LYN: variants seen among roughly 807,000 people sequenced by gnomAD.
LYN encodes the protein LYN proto-oncogene, Src family tyrosine kinase, also known as tyrosine-protein kinase Lyn.
Under a neutral mutation model 65.0 loss-of-function variants are expected in LYN, and 12 were observed. The ratio of observed to expected loss-of-function variants is 0.18; its 90% confidence interval spans 0.12 to 0.30. The LOEUF is 0.30. LYN is among the 10% of genes least tolerant of loss of function. The pLI, the probability that LYN is intolerant of heterozygous loss-of-function variation, is 1.00. For missense variants in LYN, 380 were observed against 623.2 expected, an observed-to-expected ratio of 0.61 and a Z score of 4.16; for synonymous variants, 222 against 221.2, an observed-to-expected ratio of 1.00 and a Z score of -0.03.
At chr8:56,003,795 A>G (rs921053880) in intron 12 of LYN, among the ~76,000 whole-genome samples, 2 of 152,044 alleles carry the variant, frequency 1.3e-5, no homozygotes, top group Non-Finnish European at 2.9e-5. Context: ...TTTAGAGGAG[A>G]TAGAAATACT....
intron 8 of LYN, 95 bp from the exon 9 acceptor site, chr8:55,966,620 G>C (rs1807467033): frequency 1.8e-6 from 2 of 1,086,160 alleles, no homozygotes; most frequent in African/African-American, 1.6e-5. Context: ...CACTCACCTC[G>C]ACCTCCCAAA....
intron 1 of LYN, among the ~76,000 whole-genome samples, chr8:55,934,038 C>G (rs1466435993): frequency 6.6e-6 from 1 of 152,110 alleles, no homozygotes; most frequent in Non-Finnish European, 1.5e-5. Context: ...CCAGCCTGGC[C>G]AATATGGTGA....
intron 10 of LYN, among the ~76,000 whole-genome samples, chr8:55,995,575 C>T (rs1585676430): frequency 6.6e-6 from 1 of 152,156 alleles, no homozygotes; most frequent in East Asian, 1.9e-4. Context: ...AGGTGAGGAG[C>T]AGGGAGCACT....
intron 4 of LYN, among the ~76,000 whole-genome samples, chr8:55,948,076 C>T (rs1399396805): frequency 1.3e-5 from 2 of 152,254 alleles, no homozygotes; most frequent in East Asian, 3.9e-4. Context: ...TAGGCTAAAG[C>T]AATCCTCTCA....
intron 10 of LYN, among the ~76,000 whole-genome samples, chr8:55,978,930 T>C (rs1214819061): frequency 6.6e-6 from 1 of 152,118 alleles, no homozygotes; most frequent in Non-Finnish European, 1.5e-5. Context: ...CTCCTCTTCC[T>C]TTTTCTTTCT....
chr8:55,953,856 G>T lies in LYN; in HGVS notation c.662G>T (p.Arg221Ile). The T allele has an allele frequency of 1.2e-6, 2 of 1,614,094 alleles. No individual in the cohort carries two copies. Among genetic ancestry groups the T allele is most frequent in the East Asian group, 4.5e-5 (2 of 44,876 alleles). ...GAGCAGGCAGATGGCTTGTGCAGAA[G>T]ATTGGAGAAGGCTTGTATTAGTCCC... ...YQKQADGLCR[R>I]LEKACISPKP... The change falls in exon 8 of 13, where the codon AGA becomes ATA. Residue 221 changes from arginine (R) to isoleucine (I), a missense_variant. Coordinates refer to ENST00000519728, the MANE Select transcript of LYN (RefSeq NM_002350.4).
At chr8:55,958,548 T>C (rs966917271) in intron 8 of LYN, among the ~76,000 whole-genome samples, 14 of 152,376 alleles carry the variant, frequency 9.2e-5, no homozygotes, top group African/African-American at 3.1e-4. Context: ...GCATCTACAC[T>C]GTTATGCAAC....
At chr8:55,894,804 G>C (rs1805047700) in intron 1 of LYN, among the ~76,000 whole-genome samples, 1 of 151,964 alleles carries the variant, frequency 6.6e-6, no homozygotes, top group Admixed American at 6.6e-5. Context: ...CAAAGTTCTG[G>C]GATTACAGGC....
At chr8:55,886,003 G>A (rs543873445) in intron 1 of LYN, among the ~76,000 whole-genome samples, 1 of 152,250 alleles carries the variant, frequency 6.6e-6, no homozygotes, top group Non-Finnish European at 1.5e-5. Context: ...TAAGGGCAGA[G>A]CCTGCTTTGC....
chr8:55,914,761 G>T (rs1006449439), intron 1 of LYN, among the ~76,000 whole-genome samples: 1 of 152,130 alleles, frequency 6.6e-6, no homozygotes, highest in Non-Finnish European at 1.5e-5. Context: ...TACCTAATTG[G>T]TAAAATAAGA....
intron 1 of LYN, among the ~76,000 whole-genome samples, chr8:55,889,098 A>C (rs1341819289): frequency 6.6e-6 from 1 of 151,920 alleles, no homozygotes; most frequent in East Asian, 1.9e-4. Context: ...GCTCACTGCA[A>C]CCTCCACCTC....
intron 10 of LYN, among the ~76,000 whole-genome samples, chr8:55,973,554 G>A (rs1191792726): frequency 2.0e-5 from 3 of 152,202 alleles, no homozygotes; most frequent in Non-Finnish European, 4.4e-5. Flanking sequence ...AAGAAAAGGG[G>A]TTAAAACCAG....
At chr8:56,002,132 T>A (rs1015575029) in intron 12 of LYN, among the ~76,000 whole-genome samples, 1 of 151,878 alleles carries the variant, frequency 6.6e-6, no homozygotes, top group Admixed American at 6.6e-5. Flanking sequence ...AATATAAAAA[T>A]TAGGCTGGGT....
intron 1 of LYN, among the ~76,000 whole-genome samples, chr8:55,930,891 A>T (rs992292371): frequency 3.3e-5 from 5 of 152,034 alleles, no homozygotes; most frequent in Non-Finnish European, 7.4e-5. Context: ...GGCTCCAGTA[A>T]TCCTCCCAGC....
intron 7 of LYN, 103 bp from the exon 8 acceptor site, chr8:55,953,729 G>T (rs569431236): frequency 1.1e-6 from 1 of 937,740 alleles, no homozygotes; most frequent in African/African-American, 1.7e-5. Flanking sequence ...ACAGACTGCG[G>T]CAGGTTGGAC....
rs1337621345 is a variant in LYN, at chr8:55,998,333, T to C, written c.1051-13T>C. On this transcript the variant is annotated splice_polypyrimidine_tract_variant and intron_variant, in intron 10 of 12. Transcript: ENST00000519728. The stretch of plus-strand genomic sequence containing the variant: ...CCCTACATATGAAAATGGGAGCCTA[T>C]TTCTGTTTTCAGATTGCAGAGGGAA... The C allele has an allele frequency of 1.2e-6, 2 of 1,601,116 alleles. No individual in the cohort carries two copies. The highest frequency in any genetic ancestry group is 1.7e-6 in the Non-Finnish European group (2 of 1,168,864).
chr8:56,003,934 T>A lies in LYN; in HGVS notation c.1336+4385T>A, dbSNP rs1324339664. On this transcript the variant is annotated intron_variant, in intron 12 of 12. Coordinates refer to ENST00000519728, the MANE Select transcript of LYN (RefSeq NM_002350.4). ...TGTTATTAAATATTTTATTCTTTTT[T>A]TTTTTTTTTTTTTTTGAGATGGAGT... Among the ~76,000 whole-genome samples the A allele has an allele frequency of 4.2e-3, 607 of 143,302 alleles. 2 individuals carry two copies. Among genetic ancestry groups the A allele is most frequent in the South Asian group, 0.02 (89 of 4,472 alleles). 94.0% of individuals were successfully genotyped at this position (143,302 alleles called of 152,430 possible). A position where few individuals can be genotyped will look rare whatever the true frequency, so the allele number is the denominator to read the frequency against.
chr8:55,965,084 G>A (rs1428735443), intron 8 of LYN, among the ~76,000 whole-genome samples: 2 of 152,096 alleles, frequency 1.3e-5, no homozygotes, highest in Non-Finnish European at 2.9e-5. Flanking sequence ...GAGAGGACAG[G>A]AAGGAAGAGT....
At chr8:55,982,906 A>T (rs1480717083) in intron 10 of LYN, among the ~76,000 whole-genome samples, 1 of 151,670 alleles carries the variant, frequency 6.6e-6, no homozygotes, top group Non-Finnish European at 1.5e-5. Flanking sequence ...TGTCACCAGC[A>T]CTTCCCGTCC....
Sources: gnomAD v4.1 joint callset for allele counts (sites outside exome capture counted in the v4.1 genomes callset) on GRCh38, gnomAD v4.1.1 for gene constraint, MANE v1.5 for transcripts, NCBI Gene and HGNC (gene_info 2026-07-23, HGNC 2026-07-21) for gene names.